The following ZNF536 variants were observed in gnomAD, a reference collection of about 807,000 sequenced individuals.
ZNF536 encodes zinc finger protein 536.
ZNF536 carries 13 observed loss-of-function variants against 84.5 expected under a neutral mutation model. That is an observed-to-expected ratio of 0.15 (90% CI 0.10 to 0.24). ZNF536 has a LOEUF of 0.24. ZNF536 is among the 10% of genes least tolerant of loss of function. The pLI is 1.00. For missense variants in ZNF536, 1,536 were observed against 1,747.5 expected, an observed-to-expected ratio of 0.88 and a Z score of 2.16; for synonymous variants, 811 against 742.5, an observed-to-expected ratio of 1.09 and a Z score of -1.50.
At chr19:30,655,739 G>A (rs775162002) in intron 1 of ZNF536, among the ~76,000 whole-genome samples, 2 of 152,142 alleles carry the variant, frequency 1.3e-5, no homozygotes, top group Admixed American at 6.5e-5. Context: ...TCCTCTGGCC[G>A]GTTAAAATTC....
chr19:30,572,793 C>T (rs1025078717), intron 1 of ZNF536, among the ~76,000 whole-genome samples: 7 of 152,052 alleles, frequency 4.6e-5, no homozygotes, highest in Non-Finnish European at 8.8e-5. Flanking sequence ...GGATTCTATA[C>T]CCCAGAGGGC....
chr19:30,384,637 T>G (rs1314246486), intron 1 of ZNF536, among the ~76,000 whole-genome samples: 1 of 151,918 alleles, frequency 6.6e-6, no homozygotes, highest in Non-Finnish European at 1.5e-5. Flanking sequence ...CAGAAACCCC[T>G]GTGGAGCATG....
At chr19:30,580,756 C>T (rs1484614571) in intron 1 of ZNF536, among the ~76,000 whole-genome samples, 1 of 152,164 alleles carries the variant, frequency 6.6e-6, no homozygotes, top group Non-Finnish European at 1.5e-5. Context: ...TTCTTCCTCC[C>T]CTTTGGGCCC....
chr19:30,351,124 T>C (rs1267998389), intron 2 of ZNF536, among the ~76,000 whole-genome samples: 1 of 152,230 alleles, frequency 6.6e-6, no homozygotes, highest in Non-Finnish European at 1.5e-5. Context: ...GGTATGACAT[T>C]TCTGCCAAGA....
chr19:30,599,265 C>T (rs1599937295), intron 1 of ZNF536, among the ~76,000 whole-genome samples: 1 of 96,614 alleles, frequency 1.0e-5, no homozygotes, highest in East Asian at 3.7e-4. Flanking sequence ...TCCTCCCTTT[C>T]CCCCATCCTT....
Position 30,548,094 on chromosome 19 carries a change from G to A in ZNF536, c.2475G>A (p.Met825Ile), listed in dbSNP as rs2045624718. The A allele has an allele frequency of 6.2e-7, 1 of 1,614,136 alleles. No individual in the cohort carries two copies. Among genetic ancestry groups the A allele is most frequent in the South Asian group, 1.1e-5 (1 of 91,068 alleles). ...QPPNQDHKDEMSSKASLFIRP... is the reference protein window; with the variant it reads ...QPPNQDHKDEISSKASLFIRP... ...CAAATCAAGACCACAAGGATGAGATGTCAAGCAAAGCTTCTCTGTTCATCA... is the reference window on the plus strand; with the variant it reads ...CAAATCAAGACCACAAGGATGAGATATCAAGCAAAGCTTCTCTGTTCATCA... The change falls in exon 4 of 5, where the codon ATG (methionine) becomes ATA (isoleucine). Residue 825 changes from methionine (M) to isoleucine (I), a missense_variant. Physicochemically the swap from Met to Ile is conservative, Grantham distance 10 (BLOSUM62 1). Around this residue, in one of 8 missense-constraint regions of ZNF536, gnomAD observed 624 missense variants for 603.1 expected, o/e 1.03. Transcript: ENST00000355537.
chr19:30,612,680 T>C (rs182989580), intron 1 of ZNF536, among the ~76,000 whole-genome samples: 1 of 152,220 alleles, frequency 6.6e-6, no homozygotes, highest in Non-Finnish European at 1.5e-5. Flanking sequence ...TTTCAAAATA[T>C]CAGATTTTCT....
chr19:30,251,314 C>T (rs117366740), intron 1 of ZNF536, among the ~76,000 whole-genome samples: 1 of 152,200 alleles, frequency 6.6e-6, no homozygotes, highest in Admixed American at 6.5e-5. Context: ...TGATGGTTCA[C>T]AGGTGGAACC....
At chr19:30,493,226 T>A (rs2054582557) in intron 2 of ZNF536, among the ~76,000 whole-genome samples, 1 of 151,248 alleles carries the variant, frequency 6.6e-6, no homozygotes, top group African/African-American at 2.4e-5. Context: ...ACGTGTGTAA[T>A]GAAACCTTCC....
intron 2 of ZNF536, among the ~76,000 whole-genome samples, chr19:30,532,068 G>T (rs1037236265): frequency 5.3e-5 from 8 of 152,028 alleles, no homozygotes; most frequent in Non-Finnish European, 1.0e-4. Context: ...TCTGGAAGAA[G>T]CTTTATGGGA....
At chr19:30,617,623 T>TA (rs1221086580) in intron 1 of ZNF536, among the ~76,000 whole-genome samples, 1 of 151,834 alleles carries the variant, frequency 6.6e-6, no homozygotes, top group Non-Finnish European at 1.5e-5. Flanking sequence ...GTGCTGGGAT[T>TA]ACAGGCATGA....
At chr19:30,543,671 C>CA (rs2045426942) in intron 3 of ZNF536, among the ~76,000 whole-genome samples, 1 of 152,224 alleles carries the variant, frequency 6.6e-6, no homozygotes, top group South Asian at 2.1e-4. Flanking sequence ...CTGTGCCGGC[C>CA]AAATGAAAGA....
At chr19:30,359,947 TGAGA>T (rs965108402) in intron 3 of ZNF536, among the ~76,000 whole-genome samples, 2 of 152,114 alleles carry the variant, frequency 1.3e-5, no homozygotes, top group Admixed American at 6.5e-5. Flanking sequence ...ACCTGCTGAG[TGAGA>T]GAAAGTGTCA....
intron 1 of ZNF536, among the ~76,000 whole-genome samples, chr19:30,398,285 C>G (rs764165245): frequency 3.3e-5 from 5 of 152,224 alleles, no homozygotes; most frequent in Non-Finnish European, 7.3e-5. Flanking sequence ...CCAACCATCC[C>G]TAGCCCTTGG....
At chr19:30,505,420 T>C (rs1014966184) in intron 2 of ZNF536, among the ~76,000 whole-genome samples, 1 of 148,066 alleles carries the variant, frequency 6.8e-6, no homozygotes, top group Non-Finnish European at 1.5e-5. Context: ...ATGAAATATC[T>C]TATATAGTTA....
At chr19:30,588,622 C>T (rs1004982957) in intron 1 of ZNF536, among the ~76,000 whole-genome samples, 8 of 152,136 alleles carry the variant, frequency 5.3e-5, no homozygotes, top group African/African-American at 1.9e-4. Context: ...TTTGGTGCTG[C>T]TCTGCCTTTA....
intron 1 of ZNF536, among the ~76,000 whole-genome samples, chr19:30,234,922 A>C (rs558737526): frequency 6.6e-6 from 1 of 152,180 alleles, no homozygotes; most frequent in African/African-American, 2.4e-5. Flanking sequence ...AATTCCCATA[A>C]ATTTGAAGGA....
intron 1 of ZNF536, among the ~76,000 whole-genome samples, chr19:30,691,302 C>T (rs184135073): frequency 6.6e-6 from 1 of 152,146 alleles, no homozygotes; most frequent in Non-Finnish European, 1.5e-5. Flanking sequence ...TCAGGGCGGT[C>T]GTCTCCAGAG....
chr19:30,556,508 C>A (rs2045969872), intron 4 of ZNF536: 1 of 152,258 alleles, frequency 6.6e-6, no homozygotes, highest in South Asian at 2.1e-4. Flanking sequence ...TCCTGTTCTC[C>A]TTCCCTCTTT....
Sources: gnomAD v4.1 joint callset for allele counts (sites outside exome capture counted in the v4.1 genomes callset) on GRCh38, gnomAD v4.1.1 for gene constraint, gnomAD v4.1.1 regional missense constraint, MANE v1.5 for transcripts, NCBI Gene and HGNC (gene_info 2026-07-23, HGNC 2026-07-21) for gene names.